KAT6B: variants seen among roughly 807,000 people sequenced by gnomAD.
The protein encoded by KAT6B is histone acetyltransferase KAT6B.
Under a neutral mutation model 187.5 loss-of-function variants are expected in KAT6B, and 10 were observed. That is an observed-to-expected ratio of 0.05 (90% CI 0.03 to 0.09). The LOEUF (loss-of-function observed/expected upper bound fraction) is 0.09. Ranked by LOEUF, KAT6B falls within the 10% of genes least tolerant of loss-of-function variation. The pLI, the probability that KAT6B is intolerant of heterozygous loss-of-function variation, is 1.00. For missense variants in KAT6B, 1,952 were observed against 2,558.9 expected, an observed-to-expected ratio of 0.76 and a Z score of 5.12; for synonymous variants, 861 against 926.8, an observed-to-expected ratio of 0.93 and a Z score of 1.29.
At chr10:74,865,806 T>G (rs1478436427) in intron 3 of KAT6B, among the ~76,000 whole-genome samples, 1 of 152,200 alleles carries the variant, frequency 6.6e-6, no homozygotes, top group Non-Finnish European at 1.5e-5. Flanking sequence ...CATGAGCCAC[T>G]GCACCCAGCC....
At chr10:74,981,673 C>A in intron 10 of KAT6B, 114 bp from the exon 11 acceptor site, 1 of 817,322 alleles carries the variant, frequency 1.2e-6, no homozygotes, top group Non-Finnish European at 2.1e-6. Context: ...TGCACCCAGC[C>A]TCCAATGTTA....
intron 3 of KAT6B, among the ~76,000 whole-genome samples, chr10:74,926,419 A>G (rs566964378): frequency 6.6e-6 from 1 of 152,254 alleles, no homozygotes; most frequent in Non-Finnish European, 1.5e-5. Context: ...GCACCACTGC[A>G]CTCCAGCCTG....
At chr10:75,005,989 T>C (rs547724174) in intron 13 of KAT6B, among the ~76,000 whole-genome samples, 1 of 152,338 alleles carries the variant, frequency 6.6e-6, no homozygotes, top group Admixed American at 6.5e-5. Context: ...AAGGTGTTGC[T>C]GAAATCATGA....
chr10:75,024,079 C>CA (rs1356928854), intron 16 of KAT6B: 59 of 152,086 alleles, frequency 3.9e-4, no homozygotes, highest in African/African-American at 1.3e-3. Context: ...TATGGACAGT[C>CA]ATTTGTGCCA....
intron 3 of KAT6B, among the ~76,000 whole-genome samples, chr10:74,866,238 A>T (rs1162651521): frequency 6.6e-6 from 1 of 151,828 alleles, no homozygotes; most frequent in Non-Finnish European, 1.5e-5. Context: ...TGATAATGGC[A>T]TTTTGATTAT....
chr10:74,829,456 GTTT>G (rs370039190), intron 1 of KAT6B, among the ~76,000 whole-genome samples: 5 of 140,042 alleles, frequency 3.6e-5, no homozygotes, highest in Admixed American at 7.1e-5. Context: ...AAAGGAAATA[GTTT>G]TTTTTTTTTT....
chr10:74,862,513 A>G (rs1406973374), intron 3 of KAT6B, among the ~76,000 whole-genome samples: 2 of 152,236 alleles, frequency 1.3e-5, no homozygotes, highest in Non-Finnish European at 2.9e-5. Flanking sequence ...AGGCATTAGA[A>G]CTTTTTGAAG....
At chr10:74,867,763 A>G (rs1390870932) in intron 3 of KAT6B, among the ~76,000 whole-genome samples, 1 of 152,234 alleles carries the variant, frequency 6.6e-6, no homozygotes, top group Non-Finnish European at 1.5e-5. Flanking sequence ...CCAGTTGGTC[A>G]GTGAGCAGCT....
intron 3 of KAT6B, among the ~76,000 whole-genome samples, chr10:74,907,041 C>T (rs10824245): frequency 0.31 from 47,133 of 152,142 alleles, 13,148 homozygotes; most frequent in African/African-American, 0.73. Flanking sequence ...AGCCTGCAGA[C>T]GTCAGTTGAG....
chr10:74,946,439 G>A (rs1564580823), intron 3 of KAT6B, among the ~76,000 whole-genome samples: 1 of 152,078 alleles, frequency 6.6e-6, no homozygotes. Flanking sequence ...AAAAAATAAT[G>A]TTCATAGTGA....
Position 75,030,134 on chromosome 10 carries a change from C to T in KAT6B, c.5310C>T (p.Ser1770=). Residue 1770 remains serine, a synonymous_variant, in exon 18 of 18, where the codon AGC becomes AGT. Coordinates refer to ENST00000287239, the MANE Select transcript of KAT6B (RefSeq NM_012330.4). The surrounding 1 kb of genome is among the most constrained non-coding windows in gnomAD (Gnocchi z 4.8). ...PSSSQQLAQC[S]MAANFTPPMQ... ...GCAGCCAGCAGCTGGCTCAGTGCAGCATGGCTGCTAACTTCACCCCACCCA... is the reference window on the plus strand; with the variant it reads ...GCAGCCAGCAGCTGGCTCAGTGCAGTATGGCTGCTAACTTCACCCCACCCA... 2 of 1,614,246 alleles carry T rather than the reference C, an allele frequency of 1.2e-6. No individual in the cohort carries two copies. The highest frequency in any genetic ancestry group is 1.1e-5 in the South Asian group (1 of 91,086).
intron 3 of KAT6B, among the ~76,000 whole-genome samples, 166 bp from the exon 4 acceptor site, chr10:74,959,804 G>GT (rs985548000): frequency 6.1e-4 from 93 of 152,188 alleles, no homozygotes; most frequent in Middle Eastern, 3.4e-3. Context: ...TAATATAAGA[G>GT]TTTTTTTACT....
At chr10:74,886,022 C>T (rs918676888) in intron 3 of KAT6B, among the ~76,000 whole-genome samples, 5 of 152,156 alleles carry the variant, frequency 3.3e-5, no homozygotes, top group Non-Finnish European at 5.9e-5. Flanking sequence ...TGAGCCACTG[C>T]GCCCGGCCAG....
At chr10:74,934,759 G>A (rs540174377) in intron 3 of KAT6B, among the ~76,000 whole-genome samples, 1 of 152,058 alleles carries the variant, frequency 6.6e-6, no homozygotes, top group Non-Finnish European at 1.5e-5. Flanking sequence ...TTGAAATCCC[G>A]TCTTCCCTAA....
At chr10:74,832,144 A>T (rs1840909432) in intron 1 of KAT6B, among the ~76,000 whole-genome samples, 1 of 152,272 alleles carries the variant, frequency 6.6e-6, no homozygotes, top group Non-Finnish European at 1.5e-5. Flanking sequence ...TTAAAAATGT[A>T]TACCAGTGTA....
Position 75,029,588 on chromosome 10 carries a change from C to T in KAT6B, c.4764C>T (p.Leu1588=), listed in dbSNP as rs1289025205. 18 of 1,614,012 alleles carry T rather than the reference C, an allele frequency of 1.1e-5. No individual in the cohort carries two copies. Among genetic ancestry groups the T allele is most frequent in the South Asian group, 3.3e-5 (3 of 91,070 alleles). Residue 1588 remains leucine, a synonymous_variant, in exon 18 of 18, where the codon CTC becomes CTT. Transcript: ENST00000287239. The surrounding 1 kb of genome is among the most constrained non-coding windows in gnomAD (Gnocchi z 6.2). ...ADQSPQIATT[L]DDCQQSDHSS... is the part of the protein sequence containing the mutation. ...AAAGTCCACAGATTGCCACCACGCT[C>T]GACGATTGCCAACAGTCGGACCACA...
In KAT6B at chr10:75,031,029, T is replaced by A. The variant is rs774778073; in HGVS notation, c.6205T>A (p.Ser2069Thr). ...CATGTCCAAACAGTCTCTCAATGGC[T>A]CCTACATGAGAAGGTAGACAACGTG... is the stretch of plus-strand genomic sequence containing the variant. The part of the protein sequence containing the change: ...TGMSKQSLNG[S>T]YMRR Residue 2069 changes from serine (S) to threonine (T), a missense_variant, in exon 18 of 18, where the codon TCC (serine) becomes ACC (threonine). This residue lies in a region of KAT6B where 358 missense variants were observed against 436.3 expected (regional missense o/e 0.82). Coordinates refer to ENST00000287239, the MANE Select transcript of KAT6B (RefSeq NM_012330.4). 1.2e-6 allele frequency: 2 copies of A among 1,613,946 alleles called. No individual in the cohort carries two copies. Among genetic ancestry groups the A allele is most frequent in the East Asian group, 4.5e-5 (2 of 44,896 alleles).
intron 3 of KAT6B, among the ~76,000 whole-genome samples, chr10:74,951,491 G>A (rs530838797): frequency 3.3e-5 from 5 of 151,976 alleles, no homozygotes; most frequent in African/African-American, 1.2e-4. Context: ...AAGAAATAGC[G>A]GGACTGGGGA....
At chr10:74,914,457 T>C (rs559000591) in intron 3 of KAT6B, among the ~76,000 whole-genome samples, 1 of 152,198 alleles carries the variant, frequency 6.6e-6, no homozygotes, top group Non-Finnish European at 1.5e-5. Flanking sequence ...TTATAACTAA[T>C]GTGGATTTAG....
Sources: gnomAD v4.1 joint callset for allele counts (sites outside exome capture counted in the v4.1 genomes callset) on GRCh38, gnomAD v4.1.1 for gene constraint, gnomAD v4.1.1 regional missense constraint, Gnocchi (gnomAD v3.1) non-coding constraint, MANE v1.5 for transcripts, NCBI Gene and HGNC (gene_info 2026-07-23, HGNC 2026-07-21) for gene names.